The following FOCAD variants were observed in gnomAD, a reference collection of about 807,000 sequenced individuals.
FOCAD encodes focadhesin, also known as KIAA1797.
A neutral mutation model predicts 225.6 loss-of-function variants in FOCAD; 198 were observed. That is an observed-to-expected ratio of 0.88 (90% CI 0.78 to 0.99). The LOEUF is 0.99. Ranked by LOEUF, FOCAD falls within the 50% of genes least tolerant of loss-of-function variation. FOCAD has a pLI of 0.00. For synonymous variants in FOCAD, 897 were observed against 755.0 expected, an observed-to-expected ratio of 1.19 and a Z score of -3.08; for missense variants, 2,713 against 2,123.6, an observed-to-expected ratio of 1.28 and a Z score of -5.46.
intron 41 of FOCAD, among the ~76,000 whole-genome samples, chr9:20,989,736 C>T (rs1841485620): frequency 6.6e-6 from 1 of 152,050 alleles, no homozygotes; most frequent in African/African-American, 2.4e-5. Context: ...TTAGTTTTGC[C>T]CACATAACCA....
chr9:20,769,966 G>C (rs1481180919), intron 7 of FOCAD, 66 bp from the exon 8 acceptor site: 1 of 1,414,298 alleles, frequency 7.1e-7, no homozygotes, highest in African/African-American at 1.4e-5. Flanking sequence ...AAAGCTTTTT[G>C]TGTACTTTAA....
intron 11 of FOCAD, among the ~76,000 whole-genome samples, chr9:20,813,440 C>T (rs1261237399): frequency 1.3e-5 from 2 of 152,106 alleles, no homozygotes; most frequent in East Asian, 3.8e-4. Flanking sequence ...TGCTGTTACC[C>T]ATAGTGGCCA....
intron 28 of FOCAD, among the ~76,000 whole-genome samples, chr9:20,939,617 A>C (rs553918703): frequency 3.0e-4 from 45 of 151,360 alleles, no homozygotes; most frequent in African/African-American, 1.1e-3. Context: ...AGCATATTTA[A>C]CTTTAAAATT....
rs1379713186 is a variant in FOCAD at position 20,948,394 on chromosome 9, G to A, written c.3798+1G>A. ...CTGGATCAGAATTGTTCTAACAGAG[G>A]TAGAGGTCACCTGTTGTATGCTATT... is the stretch of plus-strand genomic sequence containing the variant. On this transcript the variant is annotated splice_donor_variant, in intron 31 of 43. Coordinates refer to ENST00000338382, the MANE Select transcript of FOCAD (RefSeq NM_001375567.1). LOFTEE classifies it high-confidence loss of function. 13 of 1,609,930 alleles carry A rather than the reference G, an allele frequency of 8.1e-6. No homozygotes were observed. The Admixed American group carries it at 2.2e-4, about 27-fold the overall frequency.
chr9:20,920,355 A>G (rs1418865725), intron 24 of FOCAD, among the ~76,000 whole-genome samples: 9 of 128,638 alleles, frequency 7.0e-5, no homozygotes, highest in Non-Finnish European at 1.5e-4. Context: ...ACACTTTTAC[A>G]CTGTTGGTGG....
chr9:20,744,358 T>C (rs1489523383), intron 5 of FOCAD, among the ~76,000 whole-genome samples: 1 of 152,240 alleles, frequency 6.6e-6, no homozygotes, highest in Non-Finnish European at 1.5e-5. Flanking sequence ...GAATCATATG[T>C]AGTTAATGCA....
intron 27 of FOCAD, 103 bp from the exon 28 acceptor site, chr9:20,932,911 C>A: frequency 2.6e-6 from 2 of 781,370 alleles, no homozygotes; most frequent in South Asian, 1.9e-5. Context: ...AAGAGAAATG[C>A]TGGTATTTCC....
chr9:20,861,675 C>G (rs1242050713), intron 15 of FOCAD, among the ~76,000 whole-genome samples: 1 of 152,172 alleles, frequency 6.6e-6, no homozygotes, highest in Admixed American at 6.5e-5. Flanking sequence ...TGTAGTTTTT[C>G]TAAATAATTT....
chr9:20,708,167 G>C (rs1278168146), intron 1 of FOCAD, among the ~76,000 whole-genome samples: 2 of 152,122 alleles, frequency 1.3e-5, no homozygotes, highest in Non-Finnish European at 1.5e-5. Flanking sequence ...AAAATTTATT[G>C]ATAGTGCCCA....
intron 8 of FOCAD, 61 bp downstream of exon 8, chr9:20,770,299 G>T (rs1335136422): frequency 7.0e-7 from 1 of 1,437,968 alleles, no homozygotes; most frequent in Non-Finnish European, 9.7e-7. Context: ...CTGAGACTTG[G>T]TAATTTATAA....
intron 15 of FOCAD, among the ~76,000 whole-genome samples, chr9:20,825,532 A>C (rs182620108): frequency 6.6e-5 from 10 of 152,248 alleles, no homozygotes; most frequent in Non-Finnish European, 8.8e-5. Flanking sequence ...AAGACAGCCT[A>C]ATTTGGTAAA....
chr9:20,871,256 A>C (rs1320511480), intron 18 of FOCAD, among the ~76,000 whole-genome samples: 1 of 152,128 alleles, frequency 6.6e-6, no homozygotes, highest in Non-Finnish European at 1.5e-5. Flanking sequence ...AAGTTTTTTA[A>C]CAAAGCTTAG....
intron 21 of FOCAD, among the ~76,000 whole-genome samples, chr9:20,905,370 CCTTTCCTT>C (rs1215698101): frequency 6.6e-6 from 1 of 151,908 alleles, no homozygotes; most frequent in East Asian, 1.9e-4. Context: ...TTTCCATAAT[CCTTTCCTT>C]TTTTAAACTC....
rs149857518 is a variant in FOCAD at position 20,990,156 on chromosome 9, G to A, written c.5038G>A (p.Ala1680Thr). The change falls in exon 42 of 44, where the codon GCA (alanine) becomes ACA (threonine). Residue 1680 changes from alanine to threonine, a missense_variant. Ala to Thr is a moderately conservative substitution (Grantham distance 58, BLOSUM62 0). Transcript: ENST00000338382. ...CTTCTTCTTGCTGATATTTGCAACCGCAGTGGTTGCATGGGCTGACCACAC... is the reference window on the plus strand; with the variant it reads ...CTTCTTCTTGCTGATATTTGCAACCACAGTGGTTGCATGGGCTGACCACAC... ...LDFFLLIFAT[A>T]VVAWADHTAP... 40 of 1,613,982 alleles carry A rather than the reference G, an allele frequency of 2.5e-5. No individual in the cohort carries two copies. The highest frequency in any genetic ancestry group is 5.3e-5 in the African/African-American group (4 of 74,920).
At chr9:20,765,295 C>T (rs113898960) in intron 7 of FOCAD, among the ~76,000 whole-genome samples, 1,947 of 152,092 alleles carry the variant, frequency 0.013, 53 homozygotes, top group African/African-American at 0.045. Context: ...AATTATAAAT[C>T]GACATAGTCC....
At chr9:20,832,499 AG>A (rs751608018) in intron 15 of FOCAD, among the ~76,000 whole-genome samples, 1 of 152,064 alleles carries the variant, frequency 6.6e-6, no homozygotes, top group East Asian at 1.9e-4. Context: ...TACATCATGG[AG>A]AATGGAGTAA....
chr9:20,939,237 G>C (rs912117068), intron 28 of FOCAD, among the ~76,000 whole-genome samples: 1 of 149,398 alleles, frequency 6.7e-6, no homozygotes, highest in Non-Finnish European at 1.5e-5. Flanking sequence ...AATAGAAAAT[G>C]ATTAATGAGA....
At chr9:20,967,905 A>G (rs796349343) in intron 35 of FOCAD, among the ~76,000 whole-genome samples, 12 of 152,202 alleles carry the variant, frequency 7.9e-5, no homozygotes, top group African/African-American at 2.9e-4. Flanking sequence ...ATCTATATTC[A>G]TAATATGTAT....
intron 5 of FOCAD, 43 bp from the exon 6 acceptor site, chr9:20,758,047 G>C (rs1829218432): frequency 2.2e-6 from 3 of 1,368,168 alleles, no homozygotes; most frequent in Non-Finnish European, 2.1e-6. Context: ...AAAATGTGTA[G>C]TCCTGAATAA....
Sources: gnomAD v4.1 joint callset for allele counts (sites outside exome capture counted in the v4.1 genomes callset) on GRCh38, gnomAD v4.1.1 for gene constraint, MANE v1.5 for transcripts, NCBI Gene and HGNC (gene_info 2026-07-23, HGNC 2026-07-21) for gene names.